The following NLGN1 variants were observed in gnomAD, a reference collection of about 807,000 sequenced individuals.
The protein encoded by NLGN1 is neuroligin 1.
A neutral mutation model predicts 65.5 loss-of-function variants in NLGN1; 12 were observed. That is an observed-to-expected ratio of 0.18 (90% CI 0.12 to 0.30). The LOEUF (loss-of-function observed/expected upper bound fraction) is 0.30, where lower values mean the gene tolerates loss of function less well. Among genes scored for constraint, NLGN1 ranks in the 10% least tolerant of loss-of-function variants. NLGN1 has a pLI of 1.00. For synonymous variants in NLGN1, 350 were observed against 359.5 expected (o/e 0.97, Z 0.30); for missense variants, 750 against 1,007.1 (o/e 0.74, Z 3.46).
intron 4 of NLGN1, among the ~76,000 whole-genome samples, chr3:173,953,125 G>A (rs1010312472): frequency 5.6e-4 from 85 of 152,214 alleles, no homozygotes; most frequent in Non-Finnish European, 1.0e-3. Context: ...TTACTCTGCT[G>A]TTTATCAGCA....
chr3:173,678,791 A>G (rs1287721444), intron 3 of NLGN1, among the ~76,000 whole-genome samples: 2 of 152,284 alleles, frequency 1.3e-5, no homozygotes, highest in South Asian at 4.1e-4. Flanking sequence ...ACAGAATACT[A>G]GTTAAGAGGC....
chr3:174,064,997 A>T (rs986262453), intron 4 of NLGN1, among the ~76,000 whole-genome samples: 10 of 151,744 alleles, frequency 6.6e-5, no homozygotes, highest in Non-Finnish European at 1.3e-4. Context: ...CAATTCAATG[A>T]GGTGTCAAGT....
At chr3:174,118,182 C>A (rs1198184556) in intron 4 of NLGN1, among the ~76,000 whole-genome samples, 4 of 152,134 alleles carry the variant, frequency 2.6e-5, no homozygotes, top group Non-Finnish European at 5.9e-5. Context: ...GTGGAATGGG[C>A]AGCAAGCATT....
At chr3:174,233,887 T>C (rs1182183144) in intron 4 of NLGN1, among the ~76,000 whole-genome samples, 2 of 152,336 alleles carry the variant, frequency 1.3e-5, no homozygotes, top group East Asian at 3.9e-4. Flanking sequence ...TTAGTAGTGA[T>C]AAAAATGCAG....
chr3:174,095,365 T>C (rs1380196926), intron 4 of NLGN1, among the ~76,000 whole-genome samples: 2 of 151,984 alleles, frequency 1.3e-5, no homozygotes, highest in Non-Finnish European at 2.9e-5. Context: ...CTCACATATC[T>C]TATATATTAA....
intron 3 of NLGN1, among the ~76,000 whole-genome samples, chr3:173,697,033 A>G (rs1766324765): frequency 6.6e-6 from 1 of 152,222 alleles, no homozygotes; most frequent in African/African-American, 2.4e-5. Context: ...GCTATTACCT[A>G]TTATTAACAA....
chr3:173,599,829 C>A (rs1009248221), intron 2 of NLGN1, among the ~76,000 whole-genome samples: 1 of 152,132 alleles, frequency 6.6e-6, no homozygotes. Flanking sequence ...CGTTTACCAT[C>A]ATTCCACAGA....
chr3:173,615,108 A>G (rs1323985023), intron 3 of NLGN1, among the ~76,000 whole-genome samples: 1 of 151,964 alleles, frequency 6.6e-6, no homozygotes, highest in East Asian at 1.9e-4. Context: ...TTATAGGGGT[A>G]GAGGGGAAGA....
At chr3:173,899,550 TAAG>T (rs1736952174) in intron 4 of NLGN1, among the ~76,000 whole-genome samples, 1 of 152,082 alleles carries the variant, frequency 6.6e-6, no homozygotes, top group African/African-American at 2.4e-5. Flanking sequence ...GCCCCTGAGT[TAAG>T]AATGATTTTT....
At chr3:174,009,575 C>T (rs1472506160) in intron 4 of NLGN1, among the ~76,000 whole-genome samples, 1 of 152,124 alleles carries the variant, frequency 6.6e-6, no homozygotes, top group Non-Finnish European at 1.5e-5. Flanking sequence ...TACATGAATC[C>T]TGGTCTCTTT....
At chr3:174,136,533 A>G (rs956695106) in intron 4 of NLGN1, 1 of 152,134 alleles carries the variant, frequency 6.6e-6, no homozygotes, top group Non-Finnish European at 1.5e-5. Flanking sequence ...TGCCTAGCAC[A>G]GACCACCTGA....
chr3:173,912,487 G>A (rs187765468), intron 4 of NLGN1: 1 of 152,226 alleles, frequency 6.6e-6, no homozygotes, highest in Admixed American at 6.5e-5. Flanking sequence ...CCTGAACAGT[G>A]TTCAGGGGCC....
chr3:174,224,524 C>A (rs1245172382), intron 4 of NLGN1, among the ~76,000 whole-genome samples: 1 of 152,116 alleles, frequency 6.6e-6, no homozygotes, highest in Non-Finnish European at 1.5e-5. Flanking sequence ...CACGGTGAAC[C>A]CCCGTCTCTA....
chr3:173,467,035 A>C (rs1724482049), intron 2 of NLGN1, among the ~76,000 whole-genome samples: 1 of 152,146 alleles, frequency 6.6e-6, no homozygotes, highest in Admixed American at 6.6e-5. Flanking sequence ...ATAAACACAT[A>C]TAAAGGAGAA....
intron 4 of NLGN1, among the ~76,000 whole-genome samples, chr3:173,837,260 A>G (rs1723804642): frequency 6.6e-6 from 1 of 152,190 alleles, no homozygotes; most frequent in South Asian, 2.1e-4. Context: ...TAATAAAGAC[A>G]AAAGATGTTT....
In NLGN1 at chr3:173,788,570, C is replaced by T. The variant is rs148429511; in HGVS notation, c.494-19110C>T. Among the ~76,000 whole-genome samples, 318 of 151,772 alleles carry T rather than the reference C, an allele frequency of 2.1e-3. 1 individual carries two copies. Among genetic ancestry groups the T allele is most frequent in the Admixed American group, 2.4e-3 (37 of 15,254 alleles). ...ATAAATTATTTCTATTCCCAATTAA[C>T]TAATGAAAAAAAATCAAGAGCTAGA... On this transcript the variant is annotated intron_variant, in intron 3 of 6. Coordinates refer to ENST00000457714, the Ensembl canonical transcript of NLGN1.
chr3:173,934,228 T>C (rs1258903056), intron 4 of NLGN1, among the ~76,000 whole-genome samples: 1 of 149,316 alleles, frequency 6.7e-6, no homozygotes, highest in Non-Finnish European at 1.5e-5. Context: ...GTTACAATAA[T>C]AATAATAATG....
intron 3 of NLGN1, among the ~76,000 whole-genome samples, chr3:173,782,746 T>C (rs763057315): frequency 1.3e-5 from 2 of 151,710 alleles, no homozygotes; most frequent in Non-Finnish European, 2.9e-5. Context: ...TAAAATGGTA[T>C]GAGAATTTTT....
rs778238799 is a variant in NLGN1 at position 173,539,634 on chromosome 3, A to AGATATG, written c.-320-64645_-320-64644insGATATG. Among the ~76,000 whole-genome samples the AGATATG allele has an allele frequency of 8.4e-5, 11 of 131,576 alleles. No homozygotes were observed. The East Asian group carries it at 1.9e-3, about 23-fold the overall frequency. 86.3% of individuals were successfully genotyped at this position (131,576 alleles called of 152,430 possible). A position where few individuals can be genotyped will look rare whatever the true frequency, so the allele number is the denominator to read the frequency against. Reference sequence around the variant, plus strand: ...TTATATATTATATATTTATATATACACATATATACATATATAACATATGTG... The same window carrying AGATATG: ...TTATATATTATATATTTATATATACAGATATGCATATATACATATATAACATATGTG... On this transcript the variant is annotated intron_variant, in intron 2 of 6. Coordinates refer to ENST00000457714, the Ensembl canonical transcript of NLGN1.
Sources: gnomAD v4.1 joint callset for allele counts (sites outside exome capture counted in the v4.1 genomes callset) on GRCh38, gnomAD v4.1.1 for gene constraint, MANE v1.5 for transcripts, NCBI Gene and HGNC (gene_info 2026-07-23, HGNC 2026-07-21) for gene names.